The following UBTD1 variants were observed in gnomAD, a reference collection of about 807,000 sequenced individuals.
UBTD1 encodes the protein ubiquitin domain containing 1.
A neutral mutation model predicts 21.7 loss-of-function variants in UBTD1; 19 were observed. The ratio of observed to expected loss-of-function variants is 0.87; its 90% CI spans 0.61 to 1.28. The LOEUF (loss-of-function observed/expected upper bound fraction) is 1.28, where lower values mean the gene tolerates loss of function less well. UBTD1 is among the 50% of genes most tolerant of loss of function. The pLI, the probability that UBTD1 is intolerant of heterozygous loss-of-function variation, is 0.00. For synonymous variants in UBTD1, 116 were observed against 135.1 expected (o/e 0.86, Z 0.98); for missense variants, 282 against 315.1 (o/e 0.89, Z 0.80).
At position 97,514,445 on chromosome 10, in the gene UBTD1, G is replaced by A. The variant is rs559943926; in HGVS notation, c.70+15172G>A. Among the ~76,000 whole-genome samples, 7 of 152,254 alleles carry A rather than the reference G, an allele frequency of 4.6e-5. No homozygotes were observed. In the South Asian group the frequency reaches 1.5e-3, roughly 32 times the overall value. On this transcript the variant is annotated intron_variant, in intron 1 of 2. Coordinates refer to ENST00000370664, the MANE Select transcript of UBTD1 (RefSeq NM_024954.5). ...TTTCTCCTCCCCTAGAGTTGTTGGGGACACAGCCGGTTTTGCCACACTGCA... is the reference window on the plus strand; with the variant it reads ...TTTCTCCTCCCCTAGAGTTGTTGGGAACACAGCCGGTTTTGCCACACTGCA...
At chr10:97,566,645 A>G (rs2040718216) in intron 1 of UBTD1, among the ~76,000 whole-genome samples, 1 of 152,232 alleles carries the variant, frequency 6.6e-6, no homozygotes, top group South Asian at 2.1e-4. Flanking sequence ...GTATATAAAT[A>G]AAGGCTTGCC....
chr10:97,561,515 G>A (rs1464124819), intron 1 of UBTD1, among the ~76,000 whole-genome samples: 1 of 152,172 alleles, frequency 6.6e-6, no homozygotes, highest in Non-Finnish European at 1.5e-5. Flanking sequence ...ATTTGAGCAA[G>A]CAGGCGGTAT....
At chr10:97,559,628 A>G (rs991318799) in intron 1 of UBTD1, among the ~76,000 whole-genome samples, 2 of 152,196 alleles carry the variant, frequency 1.3e-5, no homozygotes, top group African/African-American at 4.8e-5. Context: ...ATTTTAATAA[A>G]ACCTTGTAGA....
intron 1 of UBTD1, among the ~76,000 whole-genome samples, chr10:97,564,392 T>C (rs2040707978): frequency 6.6e-6 from 1 of 152,188 alleles, no homozygotes; most frequent in Non-Finnish European, 1.5e-5. Context: ...ACATTTTCTT[T>C]ACAGAATCCC....
chr10:97,512,298 A>T (rs544408171), intron 1 of UBTD1, among the ~76,000 whole-genome samples: 1 of 152,238 alleles, frequency 6.6e-6, no homozygotes, highest in African/African-American at 2.4e-5. Flanking sequence ...GGACAGCAGC[A>T]CTTTGTAATG....
intron 1 of UBTD1, among the ~76,000 whole-genome samples, chr10:97,499,779 G>T (rs1317005636): frequency 1.3e-5 from 2 of 152,240 alleles, no homozygotes; most frequent in East Asian, 1.9e-4. Context: ...CTCTGGGAAA[G>T]AAATCTTTAT....
At chr10:97,548,127 G>A (rs537878269) in intron 1 of UBTD1, among the ~76,000 whole-genome samples, 1 of 152,322 alleles carries the variant, frequency 6.6e-6, no homozygotes, top group East Asian at 1.9e-4. Context: ...GTGGTTAGCA[G>A]CCAAAGAAAA....
chr10:97,552,827 G>A (rs1318409506), intron 1 of UBTD1, among the ~76,000 whole-genome samples: 3 of 152,162 alleles, frequency 2.0e-5, no homozygotes, highest in Non-Finnish European at 2.9e-5. Context: ...AGTGGCTGCC[G>A]CTGATGCCTC....
intron 1 of UBTD1, among the ~76,000 whole-genome samples, chr10:97,511,070 T>TAG (rs2040421563): frequency 6.6e-6 from 1 of 152,148 alleles, no homozygotes; most frequent in Non-Finnish European, 1.5e-5. Flanking sequence ...CAGCCGCAGA[T>TAG]ACCTCCTCTG....
intron 1 of UBTD1, among the ~76,000 whole-genome samples, chr10:97,542,275 G>A (rs1166447287): frequency 2.0e-5 from 3 of 152,180 alleles, no homozygotes; most frequent in African/African-American, 2.4e-5. Context: ...CCACAGCCCC[G>A]AGTTATGGTG....
At chr10:97,507,629 A>G (rs893124908) in intron 1 of UBTD1, among the ~76,000 whole-genome samples, 1 of 150,656 alleles carries the variant, frequency 6.6e-6, no homozygotes, top group Non-Finnish European at 1.5e-5. Flanking sequence ...AAAAAAAATT[A>G]GCCGGGCATG....
chr10:97,554,728 T>A (rs1201984261), intron 1 of UBTD1, among the ~76,000 whole-genome samples: 1 of 151,990 alleles, frequency 6.6e-6, no homozygotes, highest in Non-Finnish European at 1.5e-5. Flanking sequence ...TTTTTTTTAT[T>A]TTTTGTAGAG....
chr10:97,569,237 TA>T (rs1354816551), intron 2 of UBTD1, among the ~76,000 whole-genome samples: 1 of 152,228 alleles, frequency 6.6e-6, no homozygotes, highest in African/African-American at 2.4e-5. Context: ...AGATGATTAT[TA>T]GGATTCAGTA....
At chr10:97,527,534 C>G (rs2135667244) in intron 1 of UBTD1, among the ~76,000 whole-genome samples, 1 of 151,800 alleles carries the variant, frequency 6.6e-6, no homozygotes, top group East Asian at 1.9e-4. Context: ...GGGGATTTGG[C>G]AGGGTCATAG....
At chr10:97,500,686 G>A (rs533324853) in intron 1 of UBTD1, among the ~76,000 whole-genome samples, 1 of 151,988 alleles carries the variant, frequency 6.6e-6, no homozygotes, top group Non-Finnish European at 1.5e-5. Context: ...TTTCCTTTCT[G>A]AACACCCCTT....
chr10:97,569,905 T>G (rs140190757), intron 2 of UBTD1, among the ~76,000 whole-genome samples: 17 of 150,292 alleles, frequency 1.1e-4, no homozygotes, highest in Non-Finnish European at 2.4e-4. Context: ...CATAGGGAGA[T>G]CTTGTCTCAA....
At chr10:97,548,894 G>C (rs1433484350) in intron 1 of UBTD1, among the ~76,000 whole-genome samples, 1 of 152,228 alleles carries the variant, frequency 6.6e-6, no homozygotes, top group Non-Finnish European at 1.5e-5. Flanking sequence ...TGGCTGGTCA[G>C]TGCCCAGCTC....
intron 1 of UBTD1, among the ~76,000 whole-genome samples, chr10:97,528,395 G>A (rs1209924814): frequency 5.8e-5 from 5 of 86,428 alleles, no homozygotes; most frequent in East Asian, 3.9e-4. Flanking sequence ...GGCCGGGCGG[G>A]GGGCTGACTC....
At chr10:97,554,764 G>A (rs2040656262) in intron 1 of UBTD1, among the ~76,000 whole-genome samples, 2 of 152,042 alleles carry the variant, frequency 1.3e-5, no homozygotes, top group South Asian at 4.2e-4. Context: ...TTGTTGCCCA[G>A]GCTGATCGTG....
Sources: allele counts gnomAD v4.1 joint callset (sites outside exome capture counted in the v4.1 genomes callset), GRCh38; gene constraint gnomAD v4.1.1; transcripts MANE v1.5; gene names NCBI Gene and HGNC (gene_info 2026-07-23, HGNC 2026-07-21).